The following ZNHIT6 variants were observed in gnomAD, a reference collection of about 807,000 sequenced individuals.
ZNHIT6 encodes the protein box C/D snoRNA protein 1.
A neutral mutation model predicts 57.2 loss-of-function variants in ZNHIT6; 45 were observed. That is an observed-to-expected ratio of 0.79 (90% confidence interval 0.62 to 1.01). The LOEUF is 1.01. Among genes scored for constraint, ZNHIT6 ranks in the 50% least tolerant of loss-of-function variants. The pLI is 0.00. For synonymous variants in ZNHIT6, 188 were observed against 190.0 expected, an observed-to-expected ratio of 0.99 and a Z score of 0.09; for missense variants, 528 against 567.3, an observed-to-expected ratio of 0.93 and a Z score of 0.70.
intron 8 of ZNHIT6, among the ~76,000 whole-genome samples, chr1:85,672,575 G>T (rs1661588528): frequency 6.6e-6 from 1 of 152,032 alleles, no homozygotes; most frequent in Admixed American, 6.6e-5. Flanking sequence ...GCCTTCTGAT[G>T]ACATGAGGAT....
chr1:85,698,221 T>C lies in ZNHIT6; in HGVS notation c.1019+3936A>G, dbSNP rs376845642. Among the ~76,000 whole-genome samples, 40 of 152,186 alleles carry C rather than the reference T, an allele frequency of 2.6e-4. 1 individual carries two copies. Among genetic ancestry groups the C allele is most frequent in the East Asian group, 1.3e-3 (7 of 5,204 alleles). ...ATCCTCATTGCATCTATTTTTGACT[T>C]CACAGACTTCACCTCACTTTGACTA... On this transcript the variant is annotated intron_variant, in intron 5 of 9. Coordinates refer to ENST00000370574, the MANE Select transcript of ZNHIT6 (RefSeq NM_017953.4).
At position 85,700,517 on chromosome 1, in the gene ZNHIT6, G is replaced by C. The variant is rs541532405; in HGVS notation, c.1019+1640C>G. On this transcript the variant is annotated intron_variant, in intron 5 of 9. Transcript: ENST00000370574. ...ATATATTAAACCTGGAAAATATACT[G>C]AGTGTAATATTCTCGGTAAAAACTT... Among the ~76,000 whole-genome samples, 4 of 152,196 alleles carry C rather than the reference G, an allele frequency of 2.6e-5. No homozygotes were observed. In the South Asian group the frequency reaches 8.3e-4, roughly 32 times the overall value.
intron 9 of ZNHIT6, 130 bp from the exon 10 acceptor site, chr1:85,654,228 T>C: frequency 1.6e-6 from 1 of 638,592 alleles, no homozygotes; most frequent in Non-Finnish European, 2.6e-6. Context: ...AACCGCGTCA[T>C]GTCCCAGGCA....
Position 85,695,226 on chromosome 1 carries a change from C to T in ZNHIT6, c.1019+6931G>A, listed in dbSNP as rs148790244. ...TTGCAGAGAGAAGACTGAGATTGCA[C>T]CACTGCACTCCAGCCTGGGTGACAG... On this transcript the variant is annotated intron_variant, in intron 5 of 9. Coordinates refer to ENST00000370574, the MANE Select transcript of ZNHIT6 (RefSeq NM_017953.4). 9.3e-3 allele frequency among the ~76,000 whole-genome samples: 1,421 copies of T among 152,090 alleles called. 56 individuals carry two copies. The highest frequency in any genetic ancestry group is 0.062 in the Admixed American group (953 of 15,266).
At chr1:85,665,745 G>C (rs774894945) in intron 8 of ZNHIT6, among the ~76,000 whole-genome samples, 4 of 152,146 alleles carry the variant, frequency 2.6e-5, no homozygotes, top group Non-Finnish European at 5.9e-5. Flanking sequence ...CATCAGTACA[G>C]ACTCTTACAT....
chr1:85,672,624 AG>A (rs1399510705), intron 8 of ZNHIT6, among the ~76,000 whole-genome samples: 4 of 152,162 alleles, frequency 2.6e-5, no homozygotes, highest in Non-Finnish European at 5.9e-5. Context: ...ACTTAGACAT[AG>A]GTTTCTTATG....
At chr1:85,695,040 G>A (rs1034628404) in intron 5 of ZNHIT6, among the ~76,000 whole-genome samples, 1 of 152,076 alleles carries the variant, frequency 6.6e-6, no homozygotes, top group African/African-American at 2.4e-5. Context: ...GAGGTGGGTG[G>A]ACTGCCTGAG....
chr1:85,665,059 G>T (rs918945568), intron 8 of ZNHIT6, among the ~76,000 whole-genome samples: 7 of 152,046 alleles, frequency 4.6e-5, no homozygotes, highest in African/African-American at 1.7e-4. Context: ...TCAAACTCCT[G>T]ACCTCAGGTG....
In ZNHIT6 at chr1:85,677,675, T is replaced by G. The variant is rs372179915; in HGVS notation, c.1170-362A>C. 3.9e-5 allele frequency among the ~76,000 whole-genome samples: 6 copies of G among 152,348 alleles called. No homozygotes were observed. In the South Asian group the frequency reaches 1.2e-3, roughly 32 times the overall value. Reference sequence around the variant, plus strand: ...CAACTATCATAGCTATTTTAAAGACTGCTTGATATGTGACATGGGTCTGGT... The same window carrying G: ...CAACTATCATAGCTATTTTAAAGACGGCTTGATATGTGACATGGGTCTGGT... On this transcript the variant is annotated intron_variant, in intron 7 of 9. Transcript: ENST00000370574.
At chr1:85,665,335 G>A (rs2100655875) in intron 8 of ZNHIT6, among the ~76,000 whole-genome samples, 1 of 151,638 alleles carries the variant, frequency 6.6e-6, no homozygotes, top group Non-Finnish European at 1.5e-5. Context: ...ATGTTGCCCA[G>A]GCTGGTCTCA....
chr1:85,677,232 T>C lies in ZNHIT6; in HGVS notation c.1247+4A>G, dbSNP rs921106382. The C allele has an allele frequency of 6.3e-7, 1 of 1,596,178 alleles. No homozygotes were observed. Among genetic ancestry groups the C allele is most frequent in the African/African-American group, 1.3e-5 (1 of 74,278 alleles). On this transcript the variant is annotated splice_donor_region_variant and intron_variant, in intron 8 of 9. Transcript: ENST00000370574. The stretch of plus-strand genomic sequence containing the variant: ...TAAAGAAATGGGGAGGGGAGCAATT[T>C]TACCTTACTAAATTTTGCTGCATAT...
In ZNHIT6 at chr1:85,654,289, G is replaced by A. The variant is rs149513820; in HGVS notation, c.1373-191C>T. 3.4e-3 allele frequency among the ~76,000 whole-genome samples: 511 copies of A among 152,294 alleles called. 2 individuals are homozygous for A. Among genetic ancestry groups the A allele is most frequent in the African/African-American group, 0.011 (438 of 41,578 alleles). On this transcript the variant is annotated intron_variant, in intron 9 of 9. Coordinates refer to ENST00000370574, the MANE Select transcript of ZNHIT6 (RefSeq NM_017953.4). ...ATAAATAGAGAAATGATGTCTGAAA[G>A]TGGCAATTATATTTTGTGAGGTAAC...
chr1:85,651,521 C>A lies in ZNHIT6; in HGVS notation c.*2537G>T, dbSNP rs973699372. On this transcript the variant is annotated 3_prime_UTR_variant, in exon 10 of 10. Coordinates refer to ENST00000370574, the MANE Select transcript of ZNHIT6 (RefSeq NM_017953.4). ...AAAGTGCTGGGATTACAGCTGTGAG[C>A]CACTGTGCCTAGCCAATTCATATTT... is the stretch of plus-strand genomic sequence containing the variant. 1 of 152,148 alleles carries A rather than the reference C, an allele frequency of 6.6e-6. No homozygotes were observed. The highest frequency in any genetic ancestry group is 1.5e-5 in the Non-Finnish European group (1 of 68,026). The allele number at this position is 152,148 out of a possible 1,614,324, so 9.4% of individuals were successfully genotyped here.
intron 8 of ZNHIT6, among the ~76,000 whole-genome samples, chr1:85,675,947 G>A (rs1661688431): frequency 6.6e-6 from 1 of 152,262 alleles, no homozygotes; most frequent in Middle Eastern, 3.4e-3. Context: ...TTGAGAGTTA[G>A]GGCCTAGCTC....
chr1:85,693,734 G>A (rs1239109172), intron 5 of ZNHIT6, among the ~76,000 whole-genome samples: 2 of 152,150 alleles, frequency 1.3e-5, no homozygotes, highest in Non-Finnish European at 2.9e-5. Flanking sequence ...TCTCAATAGT[G>A]GCAAAAGAAG....
At chr1:85,681,052 C>CA (rs1158745998) in intron 5 of ZNHIT6, 148 bp from the exon 6 acceptor site, 6 of 574,022 alleles carry the variant, frequency 1.0e-5, no homozygotes, top group Non-Finnish European at 1.8e-5. Flanking sequence ...ATTTCTCTTG[C>CA]AAGGGTTATT....
chr1:85,689,722 C>T (rs1254196625), intron 5 of ZNHIT6, among the ~76,000 whole-genome samples: 1 of 151,986 alleles, frequency 6.6e-6, no homozygotes, highest in Non-Finnish European at 1.5e-5. Context: ...ACTGGGAGGG[C>T]TGGGAGTATG....
intron 9 of ZNHIT6, 75 bp from the exon 10 acceptor site, chr1:85,654,173 C>A: frequency 1.5e-6 from 2 of 1,300,914 alleles, no homozygotes; most frequent in South Asian, 1.4e-5. Context: ...CTCTTCTCTC[C>A]CTCCTTCTGA....
rs185770370 is a variant in ZNHIT6, at chr1:85,691,510, G to T, written c.1020-10606C>A. Among the ~76,000 whole-genome samples, 109 of 152,344 alleles carry T rather than the reference G, an allele frequency of 7.2e-4. No individual in the cohort carries two copies. In the East Asian group the frequency reaches 0.017, roughly 24 times the overall value. ...GGCAATGCTGCCTCTGGCCAATTGAGATATCTCTGAGCTAATGACTTTTGT... is the reference window on the plus strand; with the variant it reads ...GGCAATGCTGCCTCTGGCCAATTGATATATCTCTGAGCTAATGACTTTTGT... On this transcript the variant is annotated intron_variant, in intron 5 of 9. Coordinates refer to ENST00000370574, the MANE Select transcript of ZNHIT6 (RefSeq NM_017953.4).
Sources: allele counts gnomAD v4.1 joint callset (sites outside exome capture counted in the v4.1 genomes callset), GRCh38; gene constraint gnomAD v4.1.1; transcripts MANE v1.5; gene names NCBI Gene and HGNC (gene_info 2026-07-23, HGNC 2026-07-21).